The following MACROD1 variants were observed in gnomAD, a reference collection of about 807,000 sequenced individuals.
MACROD1 encodes ADP-ribose glycohydrolase MACROD1.
MACROD1 carries 31 observed loss-of-function variants against 41.4 expected under a neutral mutation model. That is an observed-to-expected ratio of 0.75 (90% CI 0.56 to 1.01). MACROD1 has a LOEUF of 1.01. Ranked by LOEUF, MACROD1 falls within the 50% of genes least tolerant of loss-of-function variation. The pLI is 0.00. For synonymous variants in MACROD1, 252 were observed against 203.4 expected (o/e 1.24, Z -2.03); for missense variants, 473 against 460.0 (o/e 1.03, Z -0.26).
At chr11:64,144,157 C>T (rs1342559151) in intron 3 of MACROD1, among the ~76,000 whole-genome samples, 3 of 151,856 alleles carry the variant, frequency 2.0e-5, no homozygotes, top group East Asian at 1.9e-4. Flanking sequence ...CCGTCCACCT[C>T]GCCCCTCCCT....
At chr11:64,063,539 G>A (rs566390432) in intron 3 of MACROD1, among the ~76,000 whole-genome samples, 12 of 152,286 alleles carry the variant, frequency 7.9e-5, no homozygotes, top group Admixed American at 3.3e-4. Context: ...AAAAGTCTCC[G>A]TTACTGCCCA....
intron 3 of MACROD1, 135 bp from the exon 4 acceptor site, chr11:64,015,416 A>T (rs1345518798): frequency 1.4e-6 from 1 of 709,826 alleles, no homozygotes; most frequent in Non-Finnish European, 2.3e-6. Context: ...GGGTCTTCCC[A>T]GTCCTCCGGG....
At position 63,999,681 on chromosome 11, in the gene MACROD1, G is replaced by A. The variant is rs1676802863; in HGVS notation, c.747C>T (p.Ser249=). The A allele has an allele frequency of 6.2e-7, 1 of 1,609,436 alleles. No individual in the cohort carries two copies. Among genetic ancestry groups the A allele is most frequent in the Non-Finnish European group, 8.5e-7 (1 of 1,179,198 alleles). ...QAAELRSCYL[S]SLDLLLEHRL... is the part of the protein sequence containing the mutation. ...GGTGCTCCAGCAGCAGGTCCAGACT[G>A]CTCAGGTAGCAGCTGCGGAGCTCGG... Residue 249 remains serine (S), a synonymous_variant, in exon 6 of 11, where the codon AGC becomes AGT. Transcript: ENST00000255681.
chr11:64,108,777 G>C (rs1260298880), intron 3 of MACROD1, among the ~76,000 whole-genome samples: 1 of 152,234 alleles, frequency 6.6e-6, no homozygotes, highest in Non-Finnish European at 1.5e-5. Flanking sequence ...ATTGCTGAAG[G>C]GAGGGACTGG....
chr11:64,165,781 T>TCCGCCCCACCGCCG lies in MACROD1; in HGVS notation c.200_213dup (p.Thr72ArgfsTer23). On this transcript the variant is annotated frameshift_variant, in exon 1 of 11. Transcript: ENST00000255681. LOFTEE classifies it high-confidence loss of function. ...GGGGCCCAAGTGCGCACCCCGGCTG[T>TCCGCCCCACCGCCG]CCGCCCCACCGCCGCCGCCCCCCAC... 2.0e-6 allele frequency: 3 copies of TCCGCCCCACCGCCG among 1,494,640 alleles called. No individual in the cohort carries two copies. Among genetic ancestry groups the TCCGCCCCACCGCCG allele is most frequent in the Non-Finnish European group, 1.8e-6 (2 of 1,127,402 alleles). The allele number at this position is 1,494,640 out of a possible 1,614,324, so 92.6% of individuals were successfully genotyped here.
chr11:64,096,842 G>A lies in MACROD1; in HGVS notation c.517+54397C>T, dbSNP rs1944585464. Among the ~76,000 whole-genome samples the A allele has an allele frequency of 6.6e-6, 1 of 152,206 alleles. No individual in the cohort carries two copies. Among genetic ancestry groups the A allele is most frequent in the African/African-American group, 2.4e-5 (1 of 41,470 alleles). Reference sequence around the variant, plus strand: ...TGTCCCCATACCCTCCAAGCACACTGCCAGCTGTGTCCCTTCGAGGGCCTC... The same window carrying A: ...TGTCCCCATACCCTCCAAGCACACTACCAGCTGTGTCCCTTCGAGGGCCTC... On this transcript the variant is annotated intron_variant, in intron 3 of 10. Transcript: ENST00000255681. This position sits in a 1 kb window ranked among gnomAD's most constrained non-coding sequence, Gnocchi z 4.6.
chr11:64,151,798 T>C (rs189720387), intron 2 of MACROD1, among the ~76,000 whole-genome samples: 3 of 152,250 alleles, frequency 2.0e-5, no homozygotes, highest in Admixed American at 6.5e-5. Context: ...TTTCCAACCA[T>C]ACAATGGGGA....
intron 3 of MACROD1, among the ~76,000 whole-genome samples, chr11:64,079,511 C>T (rs1393716711): frequency 3.3e-5 from 5 of 152,170 alleles, no homozygotes; most frequent in Non-Finnish European, 7.4e-5. Flanking sequence ...GTGCCTTAAG[C>T]AGTCACCAGC....
rs929823875 is a variant in MACROD1, at chr11:64,096,030, G to A, written c.517+55209C>T. Among the ~76,000 whole-genome samples the A allele has an allele frequency of 3.3e-5, 5 of 152,220 alleles. No homozygotes were observed. The highest frequency in any genetic ancestry group is 7.3e-5 in the Non-Finnish European group (5 of 68,040). ...GATATGTCGCGCTGCAGCCAGCACA[G>A]TGCTGCTTCAAACTGCCACTTGAGA... On this transcript the variant is annotated intron_variant, in intron 3 of 10. Coordinates refer to ENST00000255681, the MANE Select transcript of MACROD1 (RefSeq NM_014067.4). The surrounding 1 kb of genome is among the most constrained non-coding windows in gnomAD (Gnocchi z 4.6).
chr11:64,055,993 T>C (rs1943778855), intron 3 of MACROD1, among the ~76,000 whole-genome samples: 1 of 152,206 alleles, frequency 6.6e-6, no homozygotes, highest in Admixed American at 6.5e-5. Context: ...CTGTCGGTCC[T>C]CTGGGCCTCA....
At chr11:64,129,442 G>A (rs1945234183) in intron 3 of MACROD1, among the ~76,000 whole-genome samples, 1 of 152,230 alleles carries the variant, frequency 6.6e-6, no homozygotes, top group African/African-American at 2.4e-5. Flanking sequence ...CTGTGACGGA[G>A]CCTCTGTGAG....
intron 3 of MACROD1, among the ~76,000 whole-genome samples, chr11:64,147,766 AG>A (rs1490811503): frequency 4.2e-5 from 6 of 143,528 alleles, no homozygotes; most frequent in African/African-American, 1.6e-4. Context: ...TATTTTAGAT[AG>A]GGTCTCACTC....
At chr11:64,006,058 C>A (rs1173360980) in intron 4 of MACROD1, among the ~76,000 whole-genome samples, 2 of 152,210 alleles carry the variant, frequency 1.3e-5, no homozygotes, top group African/African-American at 2.4e-5. Context: ...AGGGACAAGG[C>A]TCCCGGGGAA....
In MACROD1 at chr11:64,082,627, C is replaced by T. The variant is rs1944324464; in HGVS notation, c.518-67346G>A. Among the ~76,000 whole-genome samples the T allele has an allele frequency of 6.6e-6, 1 of 152,066 alleles. No individual in the cohort carries two copies. Among genetic ancestry groups the T allele is most frequent in the Non-Finnish European group, 1.5e-5 (1 of 67,978 alleles). On this transcript the variant is annotated intron_variant, in intron 3 of 10. Transcript: ENST00000255681. The surrounding 1 kb of genome is among the most constrained non-coding windows in gnomAD (Gnocchi z 4.5). Reference sequence around the variant, plus strand: ...TGAAGACGGAACCTCTGAGTGCAGGCACCAGGTGGGAGGGTGGGGACCCCC... The same window carrying T: ...TGAAGACGGAACCTCTGAGTGCAGGTACCAGGTGGGAGGGTGGGGACCCCC...
At chr11:64,138,441 T>C in intron 3 of MACROD1, 1 of 900,588 alleles carries the variant, frequency 1.1e-6, no homozygotes, top group Non-Finnish European at 1.3e-6. Flanking sequence ...TCTGGGCCAT[T>C]TGCTTCGTAG....
intron 3 of MACROD1, among the ~76,000 whole-genome samples, chr11:64,046,858 T>C (rs907151729): frequency 2.0e-5 from 3 of 152,186 alleles, no homozygotes; most frequent in Non-Finnish European, 4.4e-5. Flanking sequence ...TCCCCATCCC[T>C]GCCTCTCCCC....
intron 3 of MACROD1, among the ~76,000 whole-genome samples, chr11:64,043,478 G>A (rs1345326486): frequency 6.6e-6 from 1 of 152,150 alleles, no homozygotes; most frequent in Admixed American, 6.5e-5. Flanking sequence ...GTTGAGGTGT[G>A]GGTGACTCCT....
At chr11:64,094,727 C>A (rs1944547982) in intron 3 of MACROD1, among the ~76,000 whole-genome samples, 1 of 152,216 alleles carries the variant, frequency 6.6e-6, no homozygotes, top group Non-Finnish European at 1.5e-5. Flanking sequence ...AGGCCAGAGG[C>A]CTCTCAATGC....
At position 64,165,767 on chromosome 11, in the gene MACROD1, G is replaced by T. The variant is rs774144474; in HGVS notation, c.228C>A (p.Arg76=). The T allele has an allele frequency of 1.3e-6, 2 of 1,497,400 alleles. No homozygotes were observed. Among genetic ancestry groups the T allele is most frequent in the Admixed American group, 5.0e-5 (2 of 40,394 alleles). The allele number at this position is 1,497,400 out of a possible 1,614,324, so 92.8% of individuals were successfully genotyped here. ...AAAVGRTAGV[R]TWAPLAMAAK... The stretch of plus-strand genomic sequence containing the variant: ...CCGCCATGGCCAGGGGGGCCCAAGT[G>T]CGCACCCCGGCTGTCCGCCCCACCG... The change falls in exon 1 of 11, where the codon CGC becomes CGA. Residue 76 remains arginine, a synonymous_variant. Coordinates refer to ENST00000255681, the MANE Select transcript of MACROD1 (RefSeq NM_014067.4).
Sources: allele counts gnomAD v4.1 joint callset (sites outside exome capture counted in the v4.1 genomes callset), GRCh38; gene constraint gnomAD v4.1.1; non-coding constraint Gnocchi (gnomAD v3.1); transcripts MANE v1.5; gene names NCBI Gene and HGNC (gene_info 2026-07-23, HGNC 2026-07-21).